SLC24A2: variants seen among roughly 807,000 people sequenced by gnomAD.
SLC24A2 encodes the protein sodium/potassium/calcium exchanger 2.
Under a neutral mutation model 62.0 loss-of-function variants are expected in SLC24A2, and 36 were observed. That is an observed-to-expected ratio of 0.58 (90% CI 0.44 to 0.77). The LOEUF is 0.77. Ranked by LOEUF, SLC24A2 falls within the 30% of genes least tolerant of loss-of-function variation. The pLI is 0.00. For synonymous variants in SLC24A2, 358 were observed against 294.0 expected (o/e 1.22, Z -2.23); for missense variants, 846 against 817.9 (o/e 1.03, Z -0.42).
At chr9:20,052,213 T>G in the SLC24A2 span, among the ~76,000 whole-genome samples, 1 of 152,196 alleles carries the variant, frequency 6.6e-6, no homozygotes, top group Non-Finnish European at 1.5e-5. Context: ...CACTCTTCTC[T>G]CATCTCAGTA....
chr9:20,073,709 G>C, the SLC24A2 span, among the ~76,000 whole-genome samples: 11 of 151,978 alleles, frequency 7.2e-5, no homozygotes, highest in African/African-American at 2.4e-4. Context: ...TTTCCATAAA[G>C]TCTTAGGATC....
chr9:20,008,935 A>G, the SLC24A2 span, among the ~76,000 whole-genome samples: 2 of 152,326 alleles, frequency 1.3e-5, no homozygotes, highest in South Asian at 2.1e-4. Flanking sequence ...TCCACAGGCA[A>G]GAATACCATC....
chr9:19,971,795 C>T, the SLC24A2 span, among the ~76,000 whole-genome samples: 1 of 152,104 alleles, frequency 6.6e-6, no homozygotes, highest in Admixed American at 6.6e-5. Context: ...TGGCTGACAC[C>T]AACTGAGCAG....
At chr9:20,178,257 C>G in the SLC24A2 span, among the ~76,000 whole-genome samples, 1 of 152,130 alleles carries the variant, frequency 6.6e-6, no homozygotes, top group Admixed American at 6.6e-5. Context: ...TCTTAAAAGA[C>G]AGTAAGTCAT....
intron 2 of SLC24A2, among the ~76,000 whole-genome samples, chr9:19,666,921 A>G (rs1056158870): frequency 6.6e-6 from 1 of 152,212 alleles, no homozygotes; most frequent in Non-Finnish European, 1.5e-5. Context: ...TGTGTACATT[A>G]TCAGAGCTAC....
the SLC24A2 span, among the ~76,000 whole-genome samples, chr9:19,814,024 C>T: frequency 6.6e-6 from 1 of 152,060 alleles, no homozygotes; most frequent in Non-Finnish European, 1.5e-5. Flanking sequence ...TCCTATAGTT[C>T]TAGTGGCTTT....
rs181376402 is a variant in SLC24A2, at chr9:19,672,161, G to C, written c.931-49862C>G. On this transcript the variant is annotated intron_variant, in intron 2 of 10. Coordinates refer to ENST00000341998, the MANE Select transcript of SLC24A2 (RefSeq NM_020344.4). ...TTCTTTGAATGTCTGATAGAATTCA[G>C]CTGTGAATCCTGGACTTTTTTTATT... is the stretch of plus-strand genomic sequence containing the variant. Among the ~76,000 whole-genome samples, 6 of 146,388 alleles carry C rather than the reference G, an allele frequency of 4.1e-5. 1 individual carries two copies. The highest frequency in any genetic ancestry group is 3.4e-3 in the Middle Eastern group (1 of 292).
chr9:19,788,149 C>T (rs1430102689), intron 1 of SLC24A2, among the ~76,000 whole-genome samples: 1 of 152,182 alleles, frequency 6.6e-6, no homozygotes, highest in South Asian at 2.1e-4. Flanking sequence ...TTAGCTGGAG[C>T]TCAGGTTTTC....
the SLC24A2 span, among the ~76,000 whole-genome samples, chr9:20,104,226 G>C: frequency 6.6e-6 from 1 of 152,234 alleles, no homozygotes; most frequent in African/African-American, 2.4e-5. Flanking sequence ...CATCTGATTG[G>C]TGTACCTGAA....
chr9:20,093,468 G>C, the SLC24A2 span, among the ~76,000 whole-genome samples: 1 of 151,910 alleles, frequency 6.6e-6, no homozygotes, highest in Non-Finnish European at 1.5e-5. Context: ...ATATACATGA[G>C]TTTGAGGTTT....
At chr9:20,300,969 A>G in the SLC24A2 span, among the ~76,000 whole-genome samples, 4 of 152,228 alleles carry the variant, frequency 2.6e-5, no homozygotes, top group Non-Finnish European at 4.4e-5. Flanking sequence ...ATACACACAC[A>G]AACAGTGTCA....
At chr9:20,002,320 G>A in the SLC24A2 span, among the ~76,000 whole-genome samples, 1 of 150,016 alleles carries the variant, frequency 6.7e-6, no homozygotes, top group Non-Finnish European at 1.5e-5. Context: ...TTAGAAAAAT[G>A]ATTAGCACTT....
chr9:19,627,335 A>C (rs1456435786), intron 2 of SLC24A2, among the ~76,000 whole-genome samples: 1 of 152,166 alleles, frequency 6.6e-6, no homozygotes, highest in African/African-American at 2.4e-5. Context: ...TAGTAGAAAA[A>C]TTTTTTGAGA....
chr9:19,545,595 C>T (rs572943294), intron 8 of SLC24A2, among the ~76,000 whole-genome samples: 3 of 151,782 alleles, frequency 2.0e-5, no homozygotes, highest in Non-Finnish European at 2.9e-5. Context: ...CAGTGACCTT[C>T]GGATGGGGTC....
chr9:19,825,045 C>T, the SLC24A2 span, among the ~76,000 whole-genome samples: 6,915 of 152,110 alleles, frequency 0.045, 227 homozygotes, highest in Non-Finnish European at 0.073. Flanking sequence ...GGAAGTGAAG[C>T]ATTAGGACAA....
chr9:19,628,214 T>C (rs941168704), intron 2 of SLC24A2, among the ~76,000 whole-genome samples: 4 of 152,206 alleles, frequency 2.6e-5, no homozygotes, highest in Non-Finnish European at 4.4e-5. Flanking sequence ...AGAACAGAAC[T>C]GTGTGCTTCT....
the SLC24A2 span, among the ~76,000 whole-genome samples, chr9:20,208,342 C>T: frequency 7.9e-5 from 12 of 152,172 alleles, no homozygotes; most frequent in African/African-American, 2.7e-4. Context: ...GAGGGGCTCG[C>T]ATAGCACGGC....
intron 7 of SLC24A2, among the ~76,000 whole-genome samples, chr9:19,562,911 C>G (rs1342726095): frequency 6.6e-6 from 1 of 152,044 alleles, no homozygotes; most frequent in Non-Finnish European, 1.5e-5. Flanking sequence ...TTGAGACCAG[C>G]CTGGGAAACA....
At chr9:19,850,476 A>G in the SLC24A2 span, among the ~76,000 whole-genome samples, 4 of 152,124 alleles carry the variant, frequency 2.6e-5, no homozygotes, top group African/African-American at 9.7e-5. Context: ...ATTGAGGTAT[A>G]ATTTACATAT....
Sources: gnomAD v4.1 joint callset for allele counts (sites outside exome capture counted in the v4.1 genomes callset) on GRCh38, gnomAD v4.1.1 for gene constraint, MANE v1.5 for transcripts, NCBI Gene and HGNC (gene_info 2026-07-23, HGNC 2026-07-21) for gene names.